The following RASGEF1A variants were observed in gnomAD, a reference collection of about 807,000 sequenced individuals.
RASGEF1A encodes ras-GEF domain-containing family member 1A.
Under a neutral mutation model 56.4 loss-of-function variants are expected in RASGEF1A, and 18 were observed. The observed-to-expected ratio is 0.32, with a 90% confidence interval of 0.22 to 0.47. RASGEF1A has a LOEUF of 0.47. Ranked by LOEUF, RASGEF1A falls within the 20% of genes least tolerant of loss-of-function variation. RASGEF1A has a pLI of 1.00. For missense variants in RASGEF1A, 422 were observed against 627.1 expected (o/e 0.67, Z 3.49); for synonymous variants, 245 against 242.6 (o/e 1.01, Z -0.09).
At chr10:43,218,251 C>A (rs1840162562) in intron 1 of RASGEF1A, among the ~76,000 whole-genome samples, 1 of 152,090 alleles carries the variant, frequency 6.6e-6, no homozygotes, top group African/African-American at 2.4e-5. Flanking sequence ...CTCCCTCATC[C>A]CACTTCTGGG....
intron 1 of RASGEF1A, chr10:43,209,276 A>T (rs1840034547): frequency 1.1e-6 from 1 of 937,998 alleles, no homozygotes; most frequent in Non-Finnish European, 1.3e-6. Context: ...CTATGCTCCC[A>T]GAGAACCCGT....
rs772107938 is a variant in RASGEF1A at position 43,200,748 on chromosome 10, C to T, written c.600G>A (p.Lys200=). The T allele has an allele frequency of 6.2e-7, 1 of 1,613,892 alleles. No homozygotes were observed. The highest frequency in any genetic ancestry group is 1.1e-5 in the South Asian group (1 of 91,090). The change falls in exon 5 of 13, where the codon AAG becomes AAA. Residue 200 remains lysine, a synonymous_variant. Transcript: ENST00000395810. ...AVDKGPILKT[K]PPAAQKDILG... is the part of the protein sequence containing the mutation. ...GGATGTCCTTCTGGGCGGCTGGTGG[C>T]TTGGTCTTGAGGATGGGCCCCTTGT...
chr10:43,250,760 G>C (rs760209512), intron 1 of RASGEF1A, among the ~76,000 whole-genome samples: 1 of 152,222 alleles, frequency 6.6e-6, no homozygotes, highest in African/African-American at 2.4e-5. Context: ...GCACATGAGG[G>C]GCATTGTGGC....
chr10:43,211,928 G>T (rs1254217670), intron 1 of RASGEF1A, among the ~76,000 whole-genome samples: 2 of 152,322 alleles, frequency 1.3e-5, no homozygotes, highest in East Asian at 3.9e-4. Flanking sequence ...GGGAGAGACG[G>T]AAGCTAGTGC....
intron 1 of RASGEF1A, among the ~76,000 whole-genome samples, chr10:43,250,138 G>A (rs971560154): frequency 6.6e-6 from 1 of 152,216 alleles, no homozygotes; most frequent in African/African-American, 2.4e-5. Context: ...AAGGACCGGT[G>A]CAGCTCCCTG....
At position 43,206,716 on chromosome 10, in the gene RASGEF1A, C is replaced by T. The variant is rs1564530978; in HGVS notation, c.-6-594G>A. 3.0e-6 allele frequency: 3 copies of T among 986,922 alleles called. No homozygotes were observed. In the East Asian group the frequency reaches 3.4e-4, roughly 112 times the overall value. The allele number at this position is 986,922 out of a possible 1,614,324, so 61.1% of individuals were successfully genotyped here. On this transcript the variant is annotated intron_variant, in intron 1 of 12. Coordinates refer to ENST00000395810, the MANE Select transcript of RASGEF1A (RefSeq NM_145313.4). The stretch of plus-strand genomic sequence containing the variant: ...GCCACGTGGATGGTGGGTCTTGCCA[C>T]AGCCCAAGGAGAGCTTGCTCAGGCA...
intron 1 of RASGEF1A, among the ~76,000 whole-genome samples, chr10:43,240,528 T>C (rs756492157): frequency 6.6e-6 from 1 of 151,890 alleles, no homozygotes; most frequent in Non-Finnish European, 1.5e-5. Context: ...GAATACAAAT[T>C]ATAAAAAAGA....
At chr10:43,230,350 G>C (rs1250549498) in intron 1 of RASGEF1A, among the ~76,000 whole-genome samples, 1 of 152,188 alleles carries the variant, frequency 6.6e-6, no homozygotes, top group Non-Finnish European at 1.5e-5. Flanking sequence ...GCGAGGGGTG[G>C]GCTGGGCACA....
At chr10:43,249,964 G>A (rs1347845308) in intron 1 of RASGEF1A, among the ~76,000 whole-genome samples, 4 of 152,196 alleles carry the variant, frequency 2.6e-5, no homozygotes, top group Non-Finnish European at 5.9e-5. Flanking sequence ...GCTCTCCCTC[G>A]GGGAAAGTCC....
At chr10:43,222,811 A>G (rs1005885679) in intron 1 of RASGEF1A, among the ~76,000 whole-genome samples, 4 of 152,180 alleles carry the variant, frequency 2.6e-5, no homozygotes, top group Admixed American at 1.3e-4. Context: ...AGACTTGCAA[A>G]TGGCATCTGA....
chr10:43,228,495 C>T (rs541959307), intron 1 of RASGEF1A, among the ~76,000 whole-genome samples: 30 of 152,324 alleles, frequency 2.0e-4, no homozygotes, highest in African/African-American at 7.0e-4. Flanking sequence ...AATGCCAGTG[C>T]AGGGCCCTCC....
chr10:43,224,639 G>A (rs924550549), intron 1 of RASGEF1A, among the ~76,000 whole-genome samples: 3 of 152,162 alleles, frequency 2.0e-5, no homozygotes, highest in African/African-American at 7.2e-5. Context: ...GGAAATATGG[G>A]CCAGTTTCAG....
intron 1 of RASGEF1A, among the ~76,000 whole-genome samples, chr10:43,228,921 C>G (rs1840319648): frequency 6.6e-6 from 1 of 152,226 alleles, no homozygotes; most frequent in Non-Finnish European, 1.5e-5. Flanking sequence ...TTTCACGTGG[C>G]CAGGGCTGGC....
In RASGEF1A at chr10:43,220,654, G is replaced by A. The variant is rs1003760889; in HGVS notation, c.-6-14532C>T. Among the ~76,000 whole-genome samples the A allele has an allele frequency of 2.6e-5, 4 of 152,188 alleles. No individual in the cohort carries two copies. The East Asian group carries it at 7.7e-4, about 29-fold the overall frequency. ...CAAAAAATTAGCCAGGCACGGTGGTGCACACCTGTAATCTCAGCTACTCCA... is the reference window on the plus strand; with the variant it reads ...CAAAAAATTAGCCAGGCACGGTGGTACACACCTGTAATCTCAGCTACTCCA... On this transcript the variant is annotated intron_variant, in intron 1 of 12. Coordinates refer to ENST00000395810, the MANE Select transcript of RASGEF1A (RefSeq NM_145313.4).
At chr10:43,263,413 A>C (rs376632907) in intron 1 of RASGEF1A, among the ~76,000 whole-genome samples, 1 of 152,186 alleles carries the variant, frequency 6.6e-6, no homozygotes, top group Non-Finnish European at 1.5e-5. Context: ...ACAGGCGACC[A>C]GGGTGCGGAC....
intron 1 of RASGEF1A, among the ~76,000 whole-genome samples, chr10:43,253,104 G>A (rs1002275876): frequency 6.6e-5 from 10 of 152,186 alleles, no homozygotes; most frequent in African/African-American, 1.7e-4. Flanking sequence ...ACAGGCGGGG[G>A]TGCCCCCACA....
At chr10:43,202,323 G>C (rs1384454541) in intron 3 of RASGEF1A, among the ~76,000 whole-genome samples, 4 of 152,212 alleles carry the variant, frequency 2.6e-5, no homozygotes, top group Non-Finnish European at 5.9e-5. Flanking sequence ...CCCTGTGGTT[G>C]AAAGGGCGAC....
chr10:43,230,083 C>CGCA (rs570726262), intron 1 of RASGEF1A, among the ~76,000 whole-genome samples: 7,118 of 152,134 alleles, frequency 0.047, 187 homozygotes, highest in South Asian at 0.089. Context: ...GGCGAGGGGG[C>CGCA]GCAGCGTGGG....
chr10:43,210,105 G>T (rs961847113), intron 1 of RASGEF1A, among the ~76,000 whole-genome samples: 4 of 152,368 alleles, frequency 2.6e-5, no homozygotes, highest in Admixed American at 6.5e-5. Flanking sequence ...GGTGAATCAT[G>T]TGCAGGTGAA....
Sources: allele counts gnomAD v4.1 joint callset (sites outside exome capture counted in the v4.1 genomes callset), GRCh38; gene constraint gnomAD v4.1.1; transcripts MANE v1.5; gene names NCBI Gene and HGNC (gene_info 2026-07-23, HGNC 2026-07-21).